CASP6: variants seen among roughly 807,000 people sequenced by gnomAD.
CASP6 encodes caspase-6.
A neutral mutation model predicts 31.8 loss-of-function variants in CASP6; 20 were observed. That is an observed-to-expected ratio of 0.63 (90% CI 0.44 to 0.91). The LOEUF (loss-of-function observed/expected upper bound fraction) is 0.91. Ranked by LOEUF, CASP6 falls within the 40% of genes least tolerant of loss-of-function variation. The pLI is 0.00. For missense variants in CASP6, 328 were observed against 361.1 expected (o/e 0.91, Z 0.74); for synonymous variants, 130 against 127.8 (o/e 1.02, Z -0.12).
the CASP6 span, chr4:109,682,458 C>T: frequency 1.3e-6 from 1 of 743,454 alleles, no homozygotes; most frequent in African/African-American, 1.8e-5. Context: ...CATGTTTGTA[C>T]ACCAGCTTCC....
At chr4:109,688,287 C>G (rs1729901143), downstream of CASP6, 1 of 152,154 alleles carries the variant, frequency 6.6e-6, no homozygotes, top group Non-Finnish European at 1.5e-5. Context: ...AGAATTGAAC[C>G]TTGAAAGTAA....
At chr4:109,672,561 G>A in the CASP6 span, among the ~76,000 whole-genome samples, 768 of 152,296 alleles carry the variant, frequency 5.0e-3, 4 homozygotes, top group Non-Finnish European at 8.7e-3. Context: ...TAATAAATTG[G>A]TGATAAAAGA....
intron 6 of CASP6, 117 bp from the exon 7 acceptor site, chr4:109,689,685 T>A (rs1579104822): frequency 1.1e-6 from 1 of 887,970 alleles, no homozygotes; most frequent in South Asian, 1.7e-5. Flanking sequence ...TCTTAAGATG[T>A]GTCCATGATA....
At chr4:109,688,198 G>A (rs1729896504), downstream of CASP6, 1 of 152,174 alleles carries the variant, frequency 6.6e-6, no homozygotes. Flanking sequence ...AGGTATCGAA[G>A]CCAAAACAGT....
At chr4:109,684,420 AAC>A (rs753020076), downstream of CASP6, 2 of 1,573,454 alleles carry the variant, frequency 1.3e-6, no homozygotes, top group Non-Finnish European at 1.7e-6. Flanking sequence ...AAACAGAATT[AAC>A]AGTTTTTCAT....
chr4:109,694,853 C>T (rs998513797), intron 4 of CASP6, among the ~76,000 whole-genome samples, 153 bp from the exon 5 acceptor site: 2 of 152,058 alleles, frequency 1.3e-5, no homozygotes, highest in South Asian at 2.1e-4. Flanking sequence ...TTTTTTGAGA[C>T]AGAGTTTCAC....
chr4:109,690,912 G>A lies in CASP6; in HGVS notation c.581C>T (p.Ala194Val). ...KLDTNITEVD[A>V]ASVYTLPAGA... is the part of the protein sequence containing the mutation. ...AGCAGGCAGCGTGTAAACGGAGGCT[G>A]CATCCACCTCAGTTATGTTGGTGTC... The change falls in exon 6 of 7, where the codon GCA becomes GTA. Residue 194 changes from alanine to valine, a missense_variant. Physicochemically the swap from Ala to Val is moderately conservative, Grantham distance 64. Coordinates refer to ENST00000265164, the MANE Select transcript of CASP6 (RefSeq NM_001226.4). 6.2e-7 allele frequency: 1 copy of A among 1,613,386 alleles called. No individual in the cohort carries two copies. Among genetic ancestry groups the A allele is most frequent in the Non-Finnish European group, 8.5e-7 (1 of 1,179,626 alleles).
chr4:109,674,368 A>T, the CASP6 span, among the ~76,000 whole-genome samples: 1 of 152,208 alleles, frequency 6.6e-6, no homozygotes, highest in Non-Finnish European at 1.5e-5. Flanking sequence ...AATGCACTTG[A>T]TGGTGTTGAA....
chr4:109,672,100 G>T, the CASP6 span, among the ~76,000 whole-genome samples: 1 of 151,774 alleles, frequency 6.6e-6, no homozygotes. Flanking sequence ...TTTTAATTGG[G>T]CCTGTGTCTC....
chr4:109,708,635 C>G, the CASP6 span, among the ~76,000 whole-genome samples: 1 of 152,208 alleles, frequency 6.6e-6, no homozygotes, highest in Non-Finnish European at 1.5e-5. Flanking sequence ...GAGTGGAACT[C>G]CAGTTGGCTG....
At position 109,689,314 on chromosome 4, in the gene CASP6, A is replaced by AGAT. The variant is rs1729949853; in HGVS notation, c.*13_*15dup. ...CATTTTCAATACAGAGTGTAAAATT[A>AGAT]GATAGCCTCTATTAATTAATTAGAT... On this transcript the variant is annotated 3_prime_UTR_variant, in exon 7 of 7. Transcript: ENST00000265164. The AGAT allele has an allele frequency of 6.2e-7, 1 of 1,606,862 alleles. No individual in the cohort carries two copies. Among genetic ancestry groups the AGAT allele is most frequent in the Non-Finnish European group, 8.5e-7 (1 of 1,173,952 alleles).
At chr4:109,707,861 A>G (rs1355786888), upstream of CASP6, among the ~76,000 whole-genome samples, 1 of 152,186 alleles carries the variant, frequency 6.6e-6, no homozygotes, top group African/African-American at 2.4e-5. Context: ...GGGGTGCTCA[A>G]TGTTGGATTT....
At chr4:109,674,033 G>A in the CASP6 span, 30 of 1,312,260 alleles carry the variant, frequency 2.3e-5, no homozygotes, top group African/African-American at 1.7e-4. Flanking sequence ...ATCCACATGC[G>A]TGTGGTAGCC....
At chr4:109,706,152 T>TAC (rs1730610812), upstream of CASP6, among the ~76,000 whole-genome samples, 1 of 106,030 alleles carries the variant, frequency 9.4e-6, no homozygotes, top group African/African-American at 5.0e-5. Context: ...TATATATATA[T>TAC]ATATATATAT....
intron 1 of CASP6, 31 bp downstream of exon 1, chr4:109,703,325 G>C (rs1268305064): frequency 1.3e-6 from 2 of 1,598,492 alleles, no homozygotes; most frequent in Non-Finnish European, 1.7e-6. Context: ...ACGCAGACCT[G>C]CTCGGTGCCC....
intron 4 of CASP6, 21 bp downstream of exon 4, chr4:109,696,389 T>A: frequency 6.3e-7 from 1 of 1,576,060 alleles, no homozygotes; most frequent in Non-Finnish European, 8.7e-7. Flanking sequence ...AGATGAACTA[T>A]ATGATAGCAA....
intron 6 of CASP6, among the ~76,000 whole-genome samples, chr4:109,690,530 A>T (rs989927557): frequency 2.0e-5 from 3 of 152,048 alleles, no homozygotes; most frequent in Non-Finnish European, 4.4e-5. Flanking sequence ...CTCAAAAAAA[A>T]AAAAAATTAA....
the CASP6 span, among the ~76,000 whole-genome samples, chr4:109,678,812 T>TTCC: frequency 3.1e-5 from 4 of 127,436 alleles, no homozygotes; most frequent in South Asian, 2.8e-4. Flanking sequence ...CGCTCCTCAA[T>TTCC]TCCCAGACGG....
the CASP6 span, among the ~76,000 whole-genome samples, chr4:109,674,756 A>G: frequency 6.6e-6 from 1 of 152,246 alleles, no homozygotes. Flanking sequence ...TGCAAATTAT[A>G]TTTTTGCTGC....
Sources: allele counts gnomAD v4.1 joint callset (sites outside exome capture counted in the v4.1 genomes callset), GRCh38; gene constraint gnomAD v4.1.1; transcripts MANE v1.5; gene names NCBI Gene and HGNC (gene_info 2026-07-23, HGNC 2026-07-21).